SRD5A1: variants seen among roughly 807,000 people sequenced by gnomAD.
SRD5A1 encodes the protein steroid 5 alpha-reductase 1.
Under a neutral mutation model 28.2 loss-of-function variants are expected in SRD5A1, and 22 were observed. The ratio of observed to expected loss-of-function variants is 0.78; its 90% CI spans 0.56 to 1.12. The LOEUF (loss-of-function observed/expected upper bound fraction) is 1.12, where lower values mean the gene tolerates loss of function less well. Among genes scored for constraint, SRD5A1 ranks in the 50% most tolerant of loss-of-function variants. SRD5A1 has a pLI of 0.00. For missense variants in SRD5A1, 300 were observed against 346.7 expected (o/e 0.87, Z 1.07); for synonymous variants, 151 against 135.0 (o/e 1.12, Z -0.82).
chr5:6,645,689 T>C (rs1042589964), intron 1 of SRD5A1, among the ~76,000 whole-genome samples: 4 of 151,706 alleles, frequency 2.6e-5, no homozygotes, highest in African/African-American at 9.7e-5. Context: ...TGATTGCATA[T>C]AGTTGTGTAA....
At chr5:6,665,529 A>G (rs1739144481) in intron 4 of SRD5A1, among the ~76,000 whole-genome samples, 1 of 152,154 alleles carries the variant, frequency 6.6e-6, no homozygotes, top group Admixed American at 6.5e-5. Flanking sequence ...ACATTCTACA[A>G]TCTGACTTCC....
chr5:6,640,712 G>T (rs1431284263), intron 1 of SRD5A1, among the ~76,000 whole-genome samples: 1 of 152,058 alleles, frequency 6.6e-6, no homozygotes, highest in African/African-American at 2.4e-5. Context: ...ATTATAACAT[G>T]ACAGAGAACA....
chr5:6,652,071 G>T (rs537634083), intron 2 of SRD5A1, 63 bp downstream of exon 2: 2 of 1,503,864 alleles, frequency 1.3e-6, no homozygotes, highest in South Asian at 2.6e-5. Context: ...TGATGTCCCA[G>T]TGGTTTCTAA....
At chr5:6,666,030 G>C (rs1739158573) in intron 4 of SRD5A1, among the ~76,000 whole-genome samples, 1 of 152,022 alleles carries the variant, frequency 6.6e-6, no homozygotes, top group Middle Eastern at 3.2e-3. Flanking sequence ...CTTACAAGCT[G>C]AGAATAAAAT....
intron 1 of SRD5A1, chr5:6,645,022 C>A (rs1390046833): frequency 2.2e-6 from 1 of 455,908 alleles, no homozygotes; most frequent in Non-Finnish European, 4.4e-6. Context: ...TACTGGCCAA[C>A]ACGTGCTTTG....
chr5:6,664,165 C>T lies in SRD5A1; in HGVS notation c.713+1199C>T, dbSNP rs541621933. On this transcript the variant is annotated intron_variant, in intron 4 of 4. Coordinates refer to ENST00000274192, the MANE Select transcript of SRD5A1 (RefSeq NM_001047.4). ...ACTTCATCCACTCAAAACATCTAAT[C>T]GAAATCTCCAATGCTGCTGATGCTA... 7.2e-5 allele frequency among the ~76,000 whole-genome samples: 11 copies of T among 152,264 alleles called. No homozygotes were observed. The South Asian group carries it at 2.3e-3, about 32-fold the overall frequency.
intron 1 of SRD5A1, chr5:6,644,773 A>G: frequency 2.4e-6 from 1 of 421,728 alleles, no homozygotes. Context: ...GCCCACACGT[A>G]CCTCTGTCAA....
chr5:6,646,649 A>G (rs567405175), intron 1 of SRD5A1, among the ~76,000 whole-genome samples: 35 of 151,886 alleles, frequency 2.3e-4, no homozygotes, highest in African/African-American at 7.5e-4. Context: ...TATTGCATCT[A>G]TTTGATTCTT....
chr5:6,644,532 A>G (rs958709920), intron 1 of SRD5A1, among the ~76,000 whole-genome samples: 1 of 152,128 alleles, frequency 6.6e-6, no homozygotes, highest in Non-Finnish European at 1.5e-5. Flanking sequence ...TGCCGCATTG[A>G]GAATCTCCTA....
chr5:6,665,975 AATTAAT>A (rs1159217178), intron 4 of SRD5A1, among the ~76,000 whole-genome samples: 1 of 152,230 alleles, frequency 6.6e-6, no homozygotes, highest in Non-Finnish European at 1.5e-5. Flanking sequence ...AGCCCTGAAG[AATTAAT>A]CAATTCAGTT....
In SRD5A1 at chr5:6,668,829, G is replaced by A. The variant is rs1739273306; in HGVS notation, c.*561G>A. The A allele has an allele frequency of 6.6e-6, 1 of 152,340 alleles. No individual in the cohort carries two copies. Among genetic ancestry groups the A allele is most frequent in the Admixed American group, 6.5e-5 (1 of 15,284 alleles). 9.4% of individuals were successfully genotyped at this position (152,340 alleles called of 1,614,324 possible). ...AAGTGGAGAACTTGGGGATAGAGGA[G>A]GAAGCTCCTCGTGGCCCTTCCAAGG... is the stretch of plus-strand genomic sequence containing the variant. On this transcript the variant is annotated 3_prime_UTR_variant, in exon 5 of 5. Transcript: ENST00000274192.
chr5:6,646,508 C>T (rs248804), intron 1 of SRD5A1, among the ~76,000 whole-genome samples: 11 of 152,018 alleles, frequency 7.2e-5, no homozygotes, highest in Admixed American at 2.6e-4. Context: ...CTTGGGAGGG[C>T]GTATGTGTCC....
intron 1 of SRD5A1, among the ~76,000 whole-genome samples, chr5:6,648,244 CA>C (rs1426407289): frequency 6.6e-6 from 1 of 151,384 alleles, no homozygotes; most frequent in Admixed American, 6.6e-5. Flanking sequence ...GTGAATCTGA[CA>C]ATTATGTGTC....
At position 6,653,253 on chromosome 5, in the gene SRD5A1, C is replaced by T. The variant is rs8192189; in HGVS notation, c.460+1245C>T. On this transcript the variant is annotated intron_variant, in intron 2 of 4. Transcript: ENST00000274192. ...ATACCTGAGGATCGTTACAGTGAGA[C>T]ACCTGTCCCTCCTCTACAAAAGGAG... Among the ~76,000 whole-genome samples the T allele has an allele frequency of 5.2e-3, 797 of 152,240 alleles. 5 individuals are homozygous for T. Among genetic ancestry groups the T allele is most frequent in the African/African-American group, 0.017 (718 of 41,520 alleles).
Position 6,633,811 on chromosome 5 carries a change from C to G in SRD5A1, c.235C>G (p.Leu79Val), listed in dbSNP as rs199742160. 48 of 1,597,822 alleles carry G rather than the reference C, an allele frequency of 3.0e-5. No individual in the cohort carries two copies. Among genetic ancestry groups the G allele is most frequent in the Non-Finnish European group, 3.4e-5 (40 of 1,179,678 alleles). Reference protein sequence around the residue: ...YQYASESAPRLRSAPNCILLA... With the variant: ...YQYASESAPRVRSAPNCILLA... ...GTACGCCAGCGAGTCCGCCCCGCGT[C>G]TCCGCAGCGCGCCCAACTGCATCCT... Residue 79 changes from leucine (L) to valine (V), a missense_variant, in exon 1 of 5, where the codon CTC (leucine) becomes GTC (valine). Leu to Val is a conservative substitution (Grantham distance 32). Coordinates refer to ENST00000274192, the MANE Select transcript of SRD5A1 (RefSeq NM_001047.4).
At chr5:6,639,295 G>A (rs1451026622) in intron 1 of SRD5A1, among the ~76,000 whole-genome samples, 1 of 152,180 alleles carries the variant, frequency 6.6e-6, no homozygotes, top group African/African-American at 2.4e-5. Flanking sequence ...TTCATCCTCT[G>A]GAATGCATAC....
At chr5:6,642,197 T>C (rs997384852) in intron 1 of SRD5A1, among the ~76,000 whole-genome samples, 1 of 123,258 alleles carries the variant, frequency 8.1e-6, no homozygotes, top group African/African-American at 3.4e-5. Context: ...ATTATCAACA[T>C]CTATTGTAAA....
chr5:6,664,628 ACTC>A (rs1447502460), intron 4 of SRD5A1, among the ~76,000 whole-genome samples: 1 of 151,826 alleles, frequency 6.6e-6, no homozygotes, highest in East Asian at 1.9e-4. Context: ...CTGGTCTTAA[ACTC>A]CTGGACTCAA....
chr5:6,664,373 A>C (rs551246200), intron 4 of SRD5A1, among the ~76,000 whole-genome samples: 1 of 152,298 alleles, frequency 6.6e-6, no homozygotes, highest in East Asian at 1.9e-4. Context: ...ATTGGAGATA[A>C]GAAGAAGAAA....
Sources: gnomAD v4.1 joint callset for allele counts (sites outside exome capture counted in the v4.1 genomes callset) on GRCh38, gnomAD v4.1.1 for gene constraint, MANE v1.5 for transcripts, NCBI Gene and HGNC (gene_info 2026-07-23, HGNC 2026-07-21) for gene names.